The following SFI1 variants were observed in gnomAD, a reference collection of about 807,000 sequenced individuals.
The protein encoded by SFI1 is SFI1 centrin binding protein.
SFI1 carries 195 observed loss-of-function variants against 207.5 expected under a neutral mutation model. That is an observed-to-expected ratio of 0.94 (90% confidence interval 0.84 to 1.06). The LOEUF (loss-of-function observed/expected upper bound fraction) is 1.06. Ranked by LOEUF, SFI1 falls within the 50% of genes least tolerant of loss-of-function variation. SFI1 has a pLI of 0.00. For missense variants in SFI1, 1,634 were observed against 1,588.0 expected (o/e 1.03, Z -0.49); for synonymous variants, 630 against 598.9 (o/e 1.05, Z -0.76).
chr22:31,522,998 G>A lies in SFI1; in HGVS notation c.93-5692G>A, dbSNP rs192175001. 1.8e-4 allele frequency among the ~76,000 whole-genome samples: 27 copies of A among 152,138 alleles called. 1 individual carries two copies. Among genetic ancestry groups the A allele is most frequent in the Admixed American group, 9.8e-4 (15 of 15,252 alleles). The stretch of plus-strand genomic sequence containing the variant: ...TATAATATTCCATTGTGAACTGTAC[G>A]CCATTTTTTAAATCCATTATCAGTT... On this transcript the variant is annotated intron_variant, in intron 2 of 32. Transcript: ENST00000400288.
chr22:31,560,891 A>G (rs2061630977), intron 7 of SFI1, among the ~76,000 whole-genome samples: 1 of 151,826 alleles, frequency 6.6e-6, no homozygotes, highest in Non-Finnish European at 1.5e-5. Flanking sequence ...TAATAGAGAC[A>G]GGGTTTCACT....
chr22:31,535,365 T>C (rs962006158), intron 4 of SFI1, among the ~76,000 whole-genome samples: 4 of 151,736 alleles, frequency 2.6e-5, no homozygotes, highest in Admixed American at 6.6e-5. Flanking sequence ...AGTTTTTGTA[T>C]TTTTAGTAGA....
At chr22:31,506,643 A>G (rs1001750200) in intron 1 of SFI1, among the ~76,000 whole-genome samples, 2 of 152,170 alleles carry the variant, frequency 1.3e-5, no homozygotes, top group South Asian at 4.1e-4. Context: ...TCTTAAGCTG[A>G]TAACCAACCT....
intron 15 of SFI1, 25 bp downstream of exon 15, chr22:31,589,602 A>G (rs779386211): frequency 1.7e-5 from 27 of 1,597,584 alleles, no homozygotes; most frequent in Admixed American, 5.4e-5. Flanking sequence ...TCCTGTCTGC[A>G]CTGGGGCAGG....
At chr22:31,584,479 C>T (rs1313524582) in intron 13 of SFI1, among the ~76,000 whole-genome samples, 1 of 152,182 alleles carries the variant, frequency 6.6e-6, no homozygotes, top group Non-Finnish European at 1.5e-5. Context: ...AGAGTAAGAT[C>T]TTACTCCTCA....
At chr22:31,503,743 A>G (rs1281480492) in intron 1 of SFI1, among the ~76,000 whole-genome samples, 1 of 148,216 alleles carries the variant, frequency 6.7e-6, no homozygotes, top group Non-Finnish European at 1.5e-5. Flanking sequence ...ATTCGCCACC[A>G]TGCCAATTTT....
At chr22:31,540,430 C>T (rs2059371363) in intron 4 of SFI1, among the ~76,000 whole-genome samples, 2 of 151,802 alleles carry the variant, frequency 1.3e-5, no homozygotes, top group East Asian at 3.9e-4. Context: ...CACAGGTGCC[C>T]ACCACCATGC....
At chr22:31,588,246 A>G (rs2065298624) in intron 14 of SFI1, among the ~76,000 whole-genome samples, 1 of 152,212 alleles carries the variant, frequency 6.6e-6, no homozygotes, top group African/African-American at 2.4e-5. Flanking sequence ...AATGTTAACC[A>G]AAGAACCTGT....
chr22:31,613,410 G>T lies in SFI1; in HGVS notation c.2622G>T (p.Leu874=). ...AAAGGAGGAGAAAGAAGGCGCGGCT[G>T]CAGTGGGCGCTCCAGGCCTACCAGG... ...VLERRRKKAR[L]QWALQAYQGQ... The change falls in exon 26 of 33, where the codon CTG becomes CTT. Residue 874 remains leucine, a synonymous_variant. Transcript: ENST00000400288. 1 of 1,610,906 alleles carries T rather than the reference G, an allele frequency of 6.2e-7. No homozygotes were observed. The highest frequency in any genetic ancestry group is 8.5e-7 in the Non-Finnish European group (1 of 1,179,752).
At chr22:31,515,750 T>C (rs1429946653) in intron 2 of SFI1, among the ~76,000 whole-genome samples, 1 of 151,242 alleles carries the variant, frequency 6.6e-6, no homozygotes, top group Non-Finnish European at 1.5e-5. Context: ...TTTTTTTTCT[T>C]TTTTTGAGAT....
At chr22:31,575,096 G>A in intron 9 of SFI1, 135 bp from the exon 10 acceptor site, 2 of 298,274 alleles carry the variant, frequency 6.7e-6, no homozygotes, top group Non-Finnish European at 1.0e-5. Context: ...GTGTGTGTGT[G>A]TGTGTGTGTG....
At chr22:31,582,246 T>A (rs1397418836) in intron 12 of SFI1, among the ~76,000 whole-genome samples, 37 of 59,324 alleles carry the variant, frequency 6.2e-4, no homozygotes, top group African/African-American at 1.9e-3. Context: ...ATTTTTTTTT[T>A]TTTTTTTTTT....
chr22:31,577,396 G>GT (rs1250529717), intron 10 of SFI1, among the ~76,000 whole-genome samples: 5 of 152,124 alleles, frequency 3.3e-5, no homozygotes, highest in African/African-American at 1.2e-4. Flanking sequence ...ACCTCTGGAG[G>GT]TTTTTTAACT....
intron 8 of SFI1, among the ~76,000 whole-genome samples, chr22:31,564,498 G>T (rs1043209987): frequency 6.6e-6 from 1 of 151,570 alleles, no homozygotes; most frequent in Non-Finnish European, 1.5e-5. Flanking sequence ...ACTTGCTCCA[G>T]AATTTTTTTT....
At chr22:31,563,089 G>A (rs2061894891) in intron 8 of SFI1, among the ~76,000 whole-genome samples, 1 of 151,582 alleles carries the variant, frequency 6.6e-6, no homozygotes, top group Non-Finnish European at 1.5e-5. Flanking sequence ...TGCCTCCCAG[G>A]TTCAAGCAAT....
At chr22:31,611,099 G>A (rs1365637578) in intron 22 of SFI1, 44 bp from the exon 23 acceptor site, 1 of 1,613,818 alleles carries the variant, frequency 6.2e-7, no homozygotes, top group Admixed American at 1.7e-5. Context: ...AGTCACTGGT[G>A]GAAATCCCAC....
chr22:31,525,289 G>A (rs1444140699), intron 2 of SFI1, among the ~76,000 whole-genome samples: 1 of 152,048 alleles, frequency 6.6e-6, no homozygotes, highest in Admixed American at 6.6e-5. Flanking sequence ...TTACATTTAG[G>A]TCTTTGATCC....
chr22:31,506,438 T>C (rs966324459), intron 1 of SFI1, among the ~76,000 whole-genome samples: 1 of 152,010 alleles, frequency 6.6e-6, no homozygotes, highest in Non-Finnish European at 1.5e-5. Flanking sequence ...TGAGGAAAAA[T>C]AAGAAATCTT....
chr22:31,570,738 T>G (rs2062862546), intron 8 of SFI1, among the ~76,000 whole-genome samples: 1 of 151,982 alleles, frequency 6.6e-6, no homozygotes, highest in Non-Finnish European at 1.5e-5. Context: ...CCCATCTGTT[T>G]TTTTAAAAAA....
Sources: gnomAD v4.1 joint callset for allele counts (sites outside exome capture counted in the v4.1 genomes callset) on GRCh38, gnomAD v4.1.1 for gene constraint, MANE v1.5 for transcripts, NCBI Gene and HGNC (gene_info 2026-07-23, HGNC 2026-07-21) for gene names.